Variants in RAB23 observed in about 807,000 individuals in gnomAD.
The protein encoded by RAB23 is RAB23, member RAS oncogene family, also known as ras-related protein Rab-23.
In RAB23, 15 loss-of-function variants were observed where a neutral mutation model predicts 30.0. The observed-to-expected ratio is 0.50, with a 90% CI of 0.33 to 0.77. RAB23 has a LOEUF of 0.77. RAB23 is among the 30% of genes least tolerant of loss of function. The pLI is 0.02. For synonymous variants in RAB23, 93 were observed against 94.0 expected, an observed-to-expected ratio of 0.99 and a Z score of 0.06; for missense variants, 243 against 275.4, an observed-to-expected ratio of 0.88 and a Z score of 0.83.
At chr6:57,211,427 TCCAGC>T (rs1765648265) in intron 1 of RAB23, among the ~76,000 whole-genome samples, 1 of 152,006 alleles carries the variant, frequency 6.6e-6, no homozygotes, top group Non-Finnish European at 1.5e-5. Flanking sequence ...GCCACTGTAC[TCCAGC>T]CTAGGTGATA....
intron 1 of RAB23, among the ~76,000 whole-genome samples, chr6:57,220,172 C>A (rs974917677): frequency 2.0e-5 from 3 of 152,052 alleles, no homozygotes; most frequent in African/African-American, 7.2e-5. Flanking sequence ...CATCTTTAGC[C>A]ATTAGTTAAA....
chr6:57,194,917 A>T, intron 4 of RAB23, 65 bp from the exon 5 acceptor site: 1 of 1,176,452 alleles, frequency 8.5e-7, no homozygotes, highest in Non-Finnish European at 1.3e-6. Context: ...TTTTTAAATC[A>T]CTTTTAATTA....
At chr6:57,214,521 C>G (rs1328279790) in intron 1 of RAB23, among the ~76,000 whole-genome samples, 1 of 152,112 alleles carries the variant, frequency 6.6e-6, no homozygotes, top group Admixed American at 6.5e-5. Context: ...CCAGGCTGGT[C>G]TCAAACTCCT....
intron 1 of RAB23, among the ~76,000 whole-genome samples, chr6:57,216,832 G>GC (rs1412781990): frequency 7.4e-6 from 1 of 135,106 alleles, no homozygotes; most frequent in African/African-American, 2.5e-5. Context: ...TCCAGACGTT[G>GC]CCGCGGCATT....
intron 3 of RAB23, among the ~76,000 whole-genome samples, chr6:57,204,859 G>A (rs1227112226): frequency 1.3e-5 from 2 of 151,928 alleles, no homozygotes; most frequent in African/African-American, 4.8e-5. Flanking sequence ...AGTCATGGGG[G>A]CAACTATAAA....
intron 3 of RAB23, among the ~76,000 whole-genome samples, chr6:57,206,301 G>A (rs1765454311): frequency 6.6e-6 from 1 of 152,152 alleles, no homozygotes; most frequent in Admixed American, 6.6e-5. Context: ...AATGAACAGA[G>A]AAGCTCTCGA....
chr6:57,221,026 G>C (rs1217079847), intron 1 of RAB23, among the ~76,000 whole-genome samples: 1 of 151,936 alleles, frequency 6.6e-6, no homozygotes, highest in African/African-American at 2.4e-5. Flanking sequence ...TAAAAACCTC[G>C]ACAATAATAC....
intron 3 of RAB23, among the ~76,000 whole-genome samples, chr6:57,198,950 T>C (rs887104559): frequency 2.0e-5 from 3 of 152,178 alleles, no homozygotes; most frequent in African/African-American, 7.2e-5. Flanking sequence ...AAAGAAAGTA[T>C]GTCCATAACA....
rs200373749 is a variant in RAB23, at chr6:57,194,886, A to C, written c.399-34T>G. ...CAATTTAAAAAAAAATGCTTTACAA[A>C]GGTGCCTTCTGATAGCTTGTTTTTT... On this transcript the variant is annotated intron_variant, in intron 4 of 6. Transcript: ENST00000468148. 8.9e-5 allele frequency: 136 copies of C among 1,527,862 alleles called. No homozygotes were observed. In the East Asian group the frequency reaches 3.0e-3, roughly 34 times the overall value. 94.6% of individuals were successfully genotyped at this position (1,527,862 alleles called of 1,614,324 possible).
rs559541799 is a variant in RAB23, at chr6:57,191,158, GTTTTAC to G, written c.575-564_575-559del. Among the ~76,000 whole-genome samples, 1,146 of 152,154 alleles carry G rather than the reference GTTTTAC, an allele frequency of 7.5e-3. 7 individuals are homozygous for G. The highest frequency in any genetic ancestry group is 0.012 in the Non-Finnish European group (846 of 67,980). On this transcript the variant is annotated intron_variant, in intron 6 of 6. Transcript: ENST00000468148. Reference sequence around the variant, plus strand: ...TTATGATTTTAAAGCTCTTGTTTTAGTTTTACTTTTAGTAGCTAATACGCATGGTAC... The same window carrying G: ...TTATGATTTTAAAGCTCTTGTTTTAGTTTTAGTAGCTAATACGCATGGTAC...
intron 3 of RAB23, among the ~76,000 whole-genome samples, chr6:57,198,761 T>G (rs575363747): frequency 6.6e-6 from 1 of 152,150 alleles, no homozygotes; most frequent in Admixed American, 6.5e-5. Flanking sequence ...CAGCTGTCAT[T>G]TAAATTTGAG....
chr6:57,203,607 C>T (rs933930902), intron 3 of RAB23, among the ~76,000 whole-genome samples: 19 of 151,620 alleles, frequency 1.3e-4, no homozygotes, highest in African/African-American at 4.1e-4. Flanking sequence ...TGGTAATAAC[C>T]CCATTAAAAA....
intron 1 of RAB23, among the ~76,000 whole-genome samples, chr6:57,217,223 A>C (rs1000639304): frequency 3.9e-5 from 6 of 152,196 alleles, no homozygotes; most frequent in African/African-American, 1.4e-4. Flanking sequence ...CAAAAAAAAA[A>C]AAAAACAAAA....
intron 3 of RAB23, among the ~76,000 whole-genome samples, chr6:57,196,983 C>T (rs1437260787): frequency 2.0e-5 from 3 of 152,126 alleles, no homozygotes; most frequent in Non-Finnish European, 4.4e-5. Context: ...GAATGGTAAA[C>T]TAAAATTACA....
rs1056193723 is a variant in RAB23, at chr6:57,221,910, C to T, written c.-250G>A. On this transcript the variant is annotated 5_prime_UTR_variant, in exon 1 of 7. Transcript: ENST00000468148. ...CCACTCCGGAGAGTAAGGCACAACC[C>T]GGGACCCCGGGGAGAAGCTGAGTCT... 7 of 152,512 alleles carry T rather than the reference C, an allele frequency of 4.6e-5. No homozygotes were observed. The highest frequency in any genetic ancestry group is 8.8e-5 in the Non-Finnish European group (6 of 68,296). 9.4% of individuals were successfully genotyped at this position (152,512 alleles called of 1,614,324 possible).
chr6:57,196,586 C>A lies in RAB23; in HGVS notation c.262G>T (p.Val88Leu), dbSNP rs764166088. Residue 88 changes from valine to leucine, a missense_variant, in exon 4 of 7, where the codon GTG becomes TTG. Coordinates refer to ENST00000468148, the MANE Select transcript of RAB23 (RefSeq NM_016277.5). ...GATTCCCTATCTGTGGTAGAGAACACGAGCACACAAGCCTGGGCTCCTGTA... is the reference window on the plus strand; with the variant it reads ...GATTCCCTATCTGTGGTAGAGAACAAGAGCACACAAGCCTGGGCTCCTGTA... ...YYRGAQACVL[V>L]FSTTDRESFE... 6.2e-7 allele frequency: 1 copy of A among 1,613,832 alleles called. No homozygotes were observed. Among genetic ancestry groups the A allele is most frequent in the Non-Finnish European group, 8.5e-7 (1 of 1,179,914 alleles).
chr6:57,190,401 CTGGA>C lies in RAB23; in HGVS notation c.*56_*59del. On this transcript the variant is annotated 3_prime_UTR_variant, in exon 7 of 7. Transcript: ENST00000468148. ...AAAACCTTGTAACATACCATGACAG[CTGGA>C]TGGGTTTCTTAATGCATTGCACAAT... 1.9e-6 allele frequency: 3 copies of C among 1,586,758 alleles called. No individual in the cohort carries two copies. Among genetic ancestry groups the C allele is most frequent in the Non-Finnish European group, 2.6e-6 (3 of 1,156,696 alleles).
chr6:57,192,678 A>G (rs1184709369), intron 6 of RAB23, among the ~76,000 whole-genome samples: 3 of 152,218 alleles, frequency 2.0e-5, no homozygotes, highest in African/African-American at 7.2e-5. Context: ...ACTTGAGCCC[A>G]GGAGTTCAAG....
chr6:57,201,406 T>A (rs1765248145), intron 3 of RAB23, among the ~76,000 whole-genome samples: 1 of 151,844 alleles, frequency 6.6e-6, no homozygotes. Context: ...AGAGGTGACC[T>A]CCATATACCC....
Sources: allele counts gnomAD v4.1 joint callset (sites outside exome capture counted in the v4.1 genomes callset), GRCh38; gene constraint gnomAD v4.1.1; transcripts MANE v1.5; gene names NCBI Gene and HGNC (gene_info 2026-07-23, HGNC 2026-07-21).